The following KCNMB2 variants were observed in gnomAD, a reference collection of about 807,000 sequenced individuals.
KCNMB2 encodes potassium calcium-activated channel subfamily M regulatory beta subunit 2, also known as calcium-activated potassium channel subunit beta-2.
In KCNMB2, 9 loss-of-function variants were observed where a neutral mutation model predicts 24.5. The ratio of observed to expected loss-of-function variants is 0.37; its 90% confidence interval spans 0.22 to 0.64. The LOEUF (loss-of-function observed/expected upper bound fraction) is 0.64, where lower values mean the gene tolerates loss of function less well. KCNMB2 is among the 30% of genes least tolerant of loss of function. KCNMB2 has a pLI of 0.63. For synonymous variants in KCNMB2, 109 were observed against 104.4 expected, an observed-to-expected ratio of 1.04 and a Z score of -0.27; for missense variants, 226 against 284.3, an observed-to-expected ratio of 0.79 and a Z score of 1.47.
chr3:178,708,702 C>A (rs1410367846), intron 1 of KCNMB2, among the ~76,000 whole-genome samples: 1 of 151,952 alleles, frequency 6.6e-6, no homozygotes, highest in Non-Finnish European at 1.5e-5. Flanking sequence ...TCATTTAATT[C>A]TCAGCAAAAA....
intron 1 of KCNMB2, among the ~76,000 whole-genome samples, chr3:178,655,126 CTCTCTCTCTCTCTCTCTA>C (rs1241967405): frequency 2.4e-4 from 36 of 151,658 alleles, no homozygotes; most frequent in African/African-American, 6.8e-4. Context: ...CTCTCTCTCT[CTCTCTCTCTCTCTCTCTA>C]TCTCTATTTC....
At chr3:178,540,120 T>C (rs1194781656) in intron 1 of KCNMB2, among the ~76,000 whole-genome samples, 1 of 152,196 alleles carries the variant, frequency 6.6e-6, no homozygotes, top group Non-Finnish European at 1.5e-5. Flanking sequence ...TCCTTCTATA[T>C]TTTTCTCCAT....
intron 1 of KCNMB2, among the ~76,000 whole-genome samples, chr3:178,539,639 A>G (rs1715546864): frequency 6.6e-6 from 1 of 152,098 alleles, no homozygotes; most frequent in Non-Finnish European, 1.5e-5. Context: ...GTTTCTTGGT[A>G]CTTCAAGAAA....
At chr3:178,758,561 GATATATATAT>G (rs754815380) in intron 1 of KCNMB2, among the ~76,000 whole-genome samples, 3 of 16,972 alleles carry the variant, frequency 1.8e-4, no homozygotes, top group South Asian at 2.3e-3. Flanking sequence ...TCCAAGAGGA[GATATATATAT>G]ATATATATAT....
At chr3:178,680,164 C>T (rs1191906253) in intron 1 of KCNMB2, among the ~76,000 whole-genome samples, 1 of 152,186 alleles carries the variant, frequency 6.6e-6, no homozygotes, top group Non-Finnish European at 1.5e-5. Flanking sequence ...AATGAGACTG[C>T]ACACGTCTTC....
chr3:178,694,455 T>G (rs1235123710), intron 1 of KCNMB2, among the ~76,000 whole-genome samples: 1 of 152,162 alleles, frequency 6.6e-6, no homozygotes, highest in Admixed American at 6.5e-5. Context: ...ATTCCAGCAT[T>G]AACTCAAAAG....
At chr3:178,820,233 T>C (rs1714572279) in intron 2 of KCNMB2, among the ~76,000 whole-genome samples, 1 of 152,256 alleles carries the variant, frequency 6.6e-6, no homozygotes. Flanking sequence ...AATTAGCCAT[T>C]GAGAAACTGA....
intron 1 of KCNMB2, among the ~76,000 whole-genome samples, chr3:178,717,667 GC>G (rs905565323): frequency 1.6e-4 from 24 of 152,156 alleles, no homozygotes; most frequent in African/African-American, 5.8e-4. Context: ...TCCTTATGTA[GC>G]CCTTTAGAGC....
chr3:178,765,987 C>G (rs1229613822), intron 1 of KCNMB2, among the ~76,000 whole-genome samples: 1 of 152,070 alleles, frequency 6.6e-6, no homozygotes, highest in East Asian at 1.9e-4. Context: ...CCTTCTTAAT[C>G]TAAGACCTTC....
At chr3:178,673,518 A>G (rs938436745) in intron 1 of KCNMB2, among the ~76,000 whole-genome samples, 2 of 151,928 alleles carry the variant, frequency 1.3e-5, no homozygotes, top group Non-Finnish European at 2.9e-5. Context: ...CCCATTTACC[A>G]GCATCTGTGC....
chr3:178,602,574 G>T (rs570564868), intron 1 of KCNMB2, among the ~76,000 whole-genome samples: 18 of 118,770 alleles, frequency 1.5e-4, no homozygotes, highest in East Asian at 4.3e-4. Context: ...GTTCGGGGGT[G>T]GGGGGGAGGA....
intron 4 of KCNMB2, among the ~76,000 whole-genome samples, chr3:178,829,945 A>C (rs1376065713): frequency 1.3e-5 from 2 of 152,186 alleles, no homozygotes; most frequent in African/African-American, 4.8e-5. Context: ...GAAAAAGTAC[A>C]GCTCAAGTAT....
At chr3:178,621,110 G>A (rs1036290335) in intron 1 of KCNMB2, among the ~76,000 whole-genome samples, 5 of 152,126 alleles carry the variant, frequency 3.3e-5, no homozygotes, top group African/African-American at 7.2e-5. Context: ...AATAGAAGAC[G>A]CAAGAGAGTA....
intron 1 of KCNMB2, among the ~76,000 whole-genome samples, chr3:178,742,001 T>A (rs1723510908): frequency 6.6e-6 from 1 of 152,196 alleles, no homozygotes; most frequent in African/African-American, 2.4e-5. Context: ...CTTTCTTAAC[T>A]ATTACAGATG....
chr3:178,781,041 T>A (rs1361197034), intron 1 of KCNMB2, among the ~76,000 whole-genome samples: 2 of 152,198 alleles, frequency 1.3e-5, no homozygotes. Context: ...AAAGCCTTTG[T>A]GAAAGTAATG....
intron 1 of KCNMB2, among the ~76,000 whole-genome samples, chr3:178,626,676 G>A (rs1719129634): frequency 6.6e-6 from 1 of 151,960 alleles, no homozygotes; most frequent in South Asian, 2.1e-4. Flanking sequence ...GAACAGCATG[G>A]GGTAAACTGC....
At chr3:178,751,297 A>G (rs1723837861) in intron 1 of KCNMB2, among the ~76,000 whole-genome samples, 1 of 152,158 alleles carries the variant, frequency 6.6e-6, no homozygotes, top group Admixed American at 6.6e-5. Flanking sequence ...AAAAGCAATT[A>G]CAGCCAGGCA....
At chr3:178,736,474 T>C (rs1254463506) in intron 1 of KCNMB2, among the ~76,000 whole-genome samples, 1 of 152,180 alleles carries the variant, frequency 6.6e-6, no homozygotes, top group Non-Finnish European at 1.5e-5. Context: ...CTTTTCACTC[T>C]GCAGCTAAAG....
At chr3:178,593,043 G>T (rs988050843) in intron 1 of KCNMB2, among the ~76,000 whole-genome samples, 13 of 151,920 alleles carry the variant, frequency 8.6e-5, no homozygotes, top group African/African-American at 3.1e-4. Context: ...AGGGAAGGGG[G>T]CTCTGGTGTT....
Sources: allele counts gnomAD v4.1 joint callset (sites outside exome capture counted in the v4.1 genomes callset), GRCh38; gene constraint gnomAD v4.1.1; transcripts MANE v1.5; gene names NCBI Gene and HGNC (gene_info 2026-07-23, HGNC 2026-07-21).